Variants in PAQR5 observed in about 807,000 individuals in gnomAD.
PAQR5 encodes membrane progestin receptor gamma.
PAQR5 carries 20 observed loss-of-function variants against 34.5 expected under a neutral mutation model. The ratio of observed to expected loss-of-function variants is 0.58; its 90% CI spans 0.41 to 0.84. The LOEUF is 0.84. Among genes scored for constraint, PAQR5 ranks in the 40% least tolerant of loss-of-function variants. The pLI is 0.00. For missense variants in PAQR5, 378 were observed against 412.7 expected (o/e 0.92, Z 0.73); for synonymous variants, 131 against 155.6 (o/e 0.84, Z 1.18).
intron 2 of PAQR5, among the ~76,000 whole-genome samples, chr15:69,354,845 C>T (rs1337564887): frequency 1.3e-5 from 2 of 152,116 alleles, no homozygotes; most frequent in African/African-American, 4.8e-5. Context: ...CCAGAGAGAA[C>T]AAAAAGAGGA....
intron 2 of PAQR5, among the ~76,000 whole-genome samples, chr15:69,341,726 C>T (rs1392577573): frequency 6.6e-6 from 1 of 152,052 alleles, no homozygotes; most frequent in Admixed American, 6.6e-5. Flanking sequence ...GGGTGGATCA[C>T]TTGAGCTCAG....
At chr15:69,344,722 A>G (rs2054724334) in intron 2 of PAQR5, among the ~76,000 whole-genome samples, 1 of 152,252 alleles carries the variant, frequency 6.6e-6, no homozygotes, top group Admixed American at 6.5e-5. Context: ...TTTTTCAAGT[A>G]AACTGTGTGA....
At chr15:69,364,086 T>A (rs2055318227) in intron 3 of PAQR5, among the ~76,000 whole-genome samples, 1 of 152,126 alleles carries the variant, frequency 6.6e-6, no homozygotes, top group African/African-American at 2.4e-5. Flanking sequence ...TCCTGTTAAG[T>A]CAGTCTCACA....
chr15:69,335,553 T>G (rs2054495376), intron 1 of PAQR5, among the ~76,000 whole-genome samples: 2 of 134,492 alleles, frequency 1.5e-5, no homozygotes, highest in East Asian at 2.2e-4. Context: ...TTTTTTTTTT[T>G]TTTTTTTTTT....
chr15:69,355,295 TC>T (rs2055029730), intron 2 of PAQR5, among the ~76,000 whole-genome samples: 1 of 94,350 alleles, frequency 1.1e-5, no homozygotes, highest in African/African-American at 4.9e-5. Flanking sequence ...TTCTTTTCTT[TC>T]TTTCTTTCTT....
chr15:69,317,633 G>A (rs1436687817), intron 1 of PAQR5, among the ~76,000 whole-genome samples: 1 of 152,164 alleles, frequency 6.6e-6, no homozygotes, highest in East Asian at 1.9e-4. Flanking sequence ...AGTGGGTGAA[G>A]CTCAGAGTTA....
intron 1 of PAQR5, among the ~76,000 whole-genome samples, chr15:69,303,077 G>A (rs1239088387): frequency 4.6e-5 from 7 of 152,114 alleles, no homozygotes; most frequent in Admixed American, 4.6e-4. Flanking sequence ...CTCGTTCCAT[G>A]GTCTCTCCCA....
At chr15:69,327,365 C>T (rs541034769) in intron 1 of PAQR5, among the ~76,000 whole-genome samples, 1 of 151,888 alleles carries the variant, frequency 6.6e-6, no homozygotes, top group African/African-American at 2.4e-5. Context: ...CTAGTGTGCC[C>T]CTCCTTCTCA....
At chr15:69,310,082 A>T (rs528836475) in intron 1 of PAQR5, among the ~76,000 whole-genome samples, 50 of 151,884 alleles carry the variant, frequency 3.3e-4, no homozygotes, top group Non-Finnish European at 6.0e-4. Flanking sequence ...CGAAACAACA[A>T]CAACAACAAA....
intron 1 of PAQR5, among the ~76,000 whole-genome samples, chr15:69,336,198 G>A (rs1305884588): frequency 4.6e-5 from 7 of 151,924 alleles, no homozygotes; most frequent in Non-Finnish European, 1.0e-4. Context: ...TGGTGACCTG[G>A]GATTCTATTT....
At chr15:69,315,046 C>T (rs771004838) in intron 1 of PAQR5, among the ~76,000 whole-genome samples, 21 of 152,110 alleles carry the variant, frequency 1.4e-4, no homozygotes, top group Non-Finnish European at 2.6e-4. Context: ...CGTCTCTATT[C>T]TCTCAGCCTG....
chr15:69,355,343 TTTTTCTTTCTTTCTTTCTTTC>T (rs2055042631), intron 2 of PAQR5, among the ~76,000 whole-genome samples: 1 of 11,626 alleles, frequency 8.6e-5, no homozygotes, highest in East Asian at 2.0e-3. Flanking sequence ...TTTCTTTCTT[TTTTTCTTTCTTTCTTTCTTTC>T]TTTCTTTCTT....
At chr15:69,397,864 C>G in intron 7 of PAQR5, 1 of 403,068 alleles carries the variant, frequency 2.5e-6, no homozygotes, top group Non-Finnish European at 4.5e-6. Context: ...TCCCCCACAC[C>G]CAGGTGCTGC....
chr15:69,330,900 C>A (rs1206953896), intron 1 of PAQR5, among the ~76,000 whole-genome samples: 1 of 152,130 alleles, frequency 6.6e-6, no homozygotes, highest in Non-Finnish European at 1.5e-5. Flanking sequence ...TCCAGGATTG[C>A]CCTTGTGGCT....
chr15:69,370,000 G>T (rs193086670), intron 3 of PAQR5, among the ~76,000 whole-genome samples: 2 of 152,190 alleles, frequency 1.3e-5, no homozygotes, highest in East Asian at 1.9e-4. Flanking sequence ...CTTTACTTTT[G>T]TGTGATTTTT....
intron 1 of PAQR5, among the ~76,000 whole-genome samples, chr15:69,325,481 A>G (rs1376211963): frequency 6.6e-6 from 1 of 152,226 alleles, no homozygotes; most frequent in Non-Finnish European, 1.5e-5. Flanking sequence ...GATCTACACT[A>G]GAATGTGAGC....
chr15:69,376,222 C>T (rs575867780), intron 3 of PAQR5, among the ~76,000 whole-genome samples: 38 of 152,290 alleles, frequency 2.5e-4, no homozygotes, highest in African/African-American at 9.1e-4. Flanking sequence ...CAGGCACCTG[C>T]TTACTTGGGG....
intron 2 of PAQR5, among the ~76,000 whole-genome samples, chr15:69,339,949 C>A (rs2054602606): frequency 6.6e-6 from 1 of 152,226 alleles, no homozygotes; most frequent in African/African-American, 2.4e-5. Flanking sequence ...TCACCGCAAC[C>A]TCTGCCTCCC....
chr15:69,386,828 G>A (rs2140947219), intron 5 of PAQR5, among the ~76,000 whole-genome samples: 1 of 152,140 alleles, frequency 6.6e-6, no homozygotes, highest in Non-Finnish European at 1.5e-5. Flanking sequence ...TCAGAGCCAT[G>A]AGACCAGAAC....
Sources: gnomAD v4.1 joint callset for allele counts (sites outside exome capture counted in the v4.1 genomes callset) on GRCh38, gnomAD v4.1.1 for gene constraint, MANE v1.5 for transcripts, NCBI Gene and HGNC (gene_info 2026-07-23, HGNC 2026-07-21) for gene names.